The following KIRREL3 variants were observed in gnomAD, a reference collection of about 807,000 sequenced individuals.
The protein encoded by KIRREL3 is kin of IRRE-like protein 3.
KIRREL3 carries 36 observed loss-of-function variants against 89.7 expected under a neutral mutation model. The observed-to-expected ratio is 0.40, with a 90% confidence interval of 0.31 to 0.53. The LOEUF (loss-of-function observed/expected upper bound fraction) is 0.53. Among genes scored for constraint, KIRREL3 ranks in the 20% least tolerant of loss-of-function variants. KIRREL3 has a pLI of 0.49. For synonymous variants in KIRREL3, 445 were observed against 441.4 expected (o/e 1.01, Z -0.10); for missense variants, 864 against 1,056.6 (o/e 0.82, Z 2.53).
rs1482395078 is a variant in KIRREL3 at position 126,429,598 on chromosome 11, C to A, written c.1697-310G>T. 6.6e-6 allele frequency among the ~76,000 whole-genome samples: 1 copy of A among 152,222 alleles called. No individual in the cohort carries two copies. The highest frequency in any genetic ancestry group is 2.4e-5 in the African/African-American group (1 of 41,456). On this transcript the variant is annotated intron_variant, in intron 14 of 16. Coordinates refer to ENST00000525144, the MANE Select transcript of KIRREL3 (RefSeq NM_032531.4). This position sits in a 1 kb window ranked among gnomAD's most constrained non-coding sequence, Gnocchi z 5.2. ...CTTACTGAGCTAGGTCCTTTTCATC[C>A]TACTGAATTCTCACTTCCTTCTAGA...
intron 1 of KIRREL3, among the ~76,000 whole-genome samples, chr11:126,975,452 G>C (rs1197556301): frequency 6.6e-6 from 1 of 152,128 alleles, no homozygotes; most frequent in Non-Finnish European, 1.5e-5. Flanking sequence ...ACCACCTACT[G>C]TGTGCCAGAA....
In KIRREL3 at chr11:126,989,980, G is replaced by GT. The variant is rs1312522515; in HGVS notation, c.55+10474dup. Among the ~76,000 whole-genome samples, 2 of 152,062 alleles carry GT rather than the reference G, an allele frequency of 1.3e-5. No individual in the cohort carries two copies. Reference sequence around the variant, plus strand: ...CCTCATTTTAGCATCTGTTTGTTTTGTTTTTTCAGCATTTGCGGGGAATGA... The same window carrying GT: ...CCTCATTTTAGCATCTGTTTGTTTTGTTTTTTTCAGCATTTGCGGGGAATGA... On this transcript the variant is annotated intron_variant, in intron 1 of 16. Coordinates refer to ENST00000525144, the MANE Select transcript of KIRREL3 (RefSeq NM_032531.4). The surrounding 1 kb of genome is among the most constrained non-coding windows in gnomAD (Gnocchi z 6.2).
At chr11:126,479,439 C>T (rs947442018) in intron 4 of KIRREL3, among the ~76,000 whole-genome samples, 1 of 152,244 alleles carries the variant, frequency 6.6e-6, no homozygotes, top group Non-Finnish European at 1.5e-5. Flanking sequence ...CCACTCCAGG[C>T]CAGTGCCCAA....
At chr11:126,888,878 T>C (rs1945798702) in intron 1 of KIRREL3, among the ~76,000 whole-genome samples, 1 of 152,194 alleles carries the variant, frequency 6.6e-6, no homozygotes, top group Non-Finnish European at 1.5e-5. Context: ...GCTGGTGCTG[T>C]TGTTTTCTCA....
chr11:126,604,891 C>T (rs1328337265), intron 1 of KIRREL3, among the ~76,000 whole-genome samples: 4 of 152,248 alleles, frequency 2.6e-5, no homozygotes, highest in Admixed American at 6.5e-5. Context: ...CCCCAAGCCC[C>T]CTCTCCTCAT....
intron 1 of KIRREL3, among the ~76,000 whole-genome samples, chr11:126,695,406 C>CAAAAAAAAAA (rs36034228): frequency 1.6e-5 from 1 of 64,348 alleles, no homozygotes; most frequent in Non-Finnish European, 2.9e-5. Context: ...TTAGCTTTAC[C>CAAAAAAAAAA]AAAAAAAAAA....
chr11:126,983,317 A>G lies in KIRREL3; in HGVS notation c.55+17138T>C, dbSNP rs1273882109. ...CAGATTTCTTACACAGAGAGGTAGG[A>G]TAGGAAAGCCTATATTTTCTTCTGA... On this transcript the variant is annotated intron_variant, in intron 1 of 16. Transcript: ENST00000525144. This position sits in a 1 kb window ranked among gnomAD's most constrained non-coding sequence, Gnocchi z 4.9. 5.3e-5 allele frequency among the ~76,000 whole-genome samples: 8 copies of G among 152,208 alleles called. No individual in the cohort carries two copies. The highest frequency in any genetic ancestry group is 7.3e-5 in the Non-Finnish European group (5 of 68,038).
chr11:126,445,242 G>C, intron 9 of KIRREL3, 137 bp from the exon 10 acceptor site: 1 of 1,165,140 alleles, frequency 8.6e-7, no homozygotes. Context: ...AAGGTGGGGA[G>C]GAAAGAGGCC....
Position 126,677,386 on chromosome 11 carries a change from T to C in KIRREL3, c.56-114474A>G, listed in dbSNP as rs770698381. Among the ~76,000 whole-genome samples the C allele has an allele frequency of 6.6e-6, 1 of 152,224 alleles. No individual in the cohort carries two copies. The highest frequency in any genetic ancestry group is 1.5e-5 in the Non-Finnish European group (1 of 68,044). ...TTTAGGATTGCACGTTCCCATCTGA[T>C]AACCGAATCTCCATTCTGGAGAAAG... On this transcript the variant is annotated intron_variant, in intron 1 of 16. Coordinates refer to ENST00000525144, the MANE Select transcript of KIRREL3 (RefSeq NM_032531.4). The surrounding 1 kb of genome is among the most constrained non-coding windows in gnomAD (Gnocchi z 5.1).
intron 1 of KIRREL3, among the ~76,000 whole-genome samples, chr11:126,894,378 C>T (rs2134790345): frequency 6.6e-6 from 1 of 151,784 alleles, no homozygotes; most frequent in South Asian, 2.1e-4. Context: ...GGGGAGTCCA[C>T]AGTAGGCAGC....
At position 126,562,781 on chromosome 11, in the gene KIRREL3, G is replaced by A; in HGVS notation, c.133+54C>T. On this transcript the variant is annotated intron_variant, in intron 2 of 16. Coordinates refer to ENST00000525144, the MANE Select transcript of KIRREL3 (RefSeq NM_032531.4). The surrounding 1 kb of genome is among the most constrained non-coding windows in gnomAD (Gnocchi z 4.7). ...GTTCCTCTGTCCTGTGGCTGTAGGG[G>A]AGAGCTTCCTCCCTCCAGATTACTC... The A allele has an allele frequency of 6.9e-7, 1 of 1,453,396 alleles. No individual in the cohort carries two copies. The highest frequency in any genetic ancestry group is 9.7e-7 in the Non-Finnish European group (1 of 1,034,288). The allele number at this position is 1,453,396 out of a possible 1,614,324, so 90.0% of individuals were successfully genotyped here. A position where few individuals can be genotyped will look rare whatever the true frequency, so the allele number is the denominator to read the frequency against.
intron 1 of KIRREL3, among the ~76,000 whole-genome samples, chr11:126,718,750 G>T (rs1282198427): frequency 1.3e-5 from 2 of 152,138 alleles, no homozygotes; most frequent in African/African-American, 4.8e-5. Flanking sequence ...TAAGTGATTT[G>T]CCAAGTTCAC....
At chr11:126,834,403 C>A (rs1250115441) in intron 1 of KIRREL3, among the ~76,000 whole-genome samples, 1 of 152,188 alleles carries the variant, frequency 6.6e-6, no homozygotes, top group African/African-American at 2.4e-5. Flanking sequence ...AAGAGAAAAG[C>A]CTGACTCACA....
At position 126,627,003 on chromosome 11, in the gene KIRREL3, GA is replaced by G. The variant is rs763842903; in HGVS notation, c.56-64092del. Among the ~76,000 whole-genome samples, 2,245 of 42,550 alleles carry G rather than the reference GA, an allele frequency of 0.053. 54 individuals are homozygous for G. Among genetic ancestry groups the G allele is most frequent in the African/African-American group, 0.13 (2,045 of 15,472 alleles). The allele number at this position is 42,550 out of a possible 152,430, so 27.9% of individuals were successfully genotyped here. A position where few individuals can be genotyped will look rare whatever the true frequency, so the allele number is the denominator to read the frequency against. On this transcript the variant is annotated intron_variant, in intron 1 of 16. Coordinates refer to ENST00000525144, the MANE Select transcript of KIRREL3 (RefSeq NM_032531.4). The surrounding 1 kb of genome is among the most constrained non-coding windows in gnomAD (Gnocchi z 5.0). ...CCACAAGAGTGAAACACTGTCTCAA[GA>G]AAAAAAAAAAACAAAAAAAAAAGAA...
rs1355232619 is a variant in KIRREL3, at chr11:126,924,535, C to T, written c.55+75920G>A. Among the ~76,000 whole-genome samples the T allele has an allele frequency of 2.0e-5, 3 of 152,206 alleles. No homozygotes were observed. Among genetic ancestry groups the T allele is most frequent in the Non-Finnish European group, 2.9e-5 (2 of 68,044 alleles). On this transcript the variant is annotated intron_variant, in intron 1 of 16. Transcript: ENST00000525144. This position sits in a 1 kb window ranked among gnomAD's most constrained non-coding sequence, Gnocchi z 4.7. ...CGTTTGCAACAAGGAACATCTTTGG[C>T]TTCACACACCCGACCCACAGACTGC...
At chr11:126,616,948 A>G (rs1368248855) in intron 1 of KIRREL3, among the ~76,000 whole-genome samples, 1 of 152,244 alleles carries the variant, frequency 6.6e-6, no homozygotes, top group East Asian at 1.9e-4. Flanking sequence ...GGCCTCATAG[A>G]TGTTTCAAAG....
Position 126,643,893 on chromosome 11 carries a change from CATG to C in KIRREL3, c.56-80984_56-80982del, listed in dbSNP as rs1018099496. ...TTTAGGGAGAAAGAATTGAAAAGAT[CATG>C]ATGTCAACTCTAGCTCGAGAACACA... On this transcript the variant is annotated intron_variant, in intron 1 of 16. Transcript: ENST00000525144. This position sits in a 1 kb window ranked among gnomAD's most constrained non-coding sequence, Gnocchi z 4.5. 7.9e-5 allele frequency among the ~76,000 whole-genome samples: 12 copies of C among 152,126 alleles called. No homozygotes were observed. Among genetic ancestry groups the C allele is most frequent in the African/African-American group, 2.7e-4 (11 of 41,416 alleles).
rs143545520 is a variant in KIRREL3 at position 126,594,974 on chromosome 11, G to A, written c.56-32062C>T. Among the ~76,000 whole-genome samples, 88 of 152,310 alleles carry A rather than the reference G, an allele frequency of 5.8e-4. 3 individuals carry two copies. The East Asian group carries it at 0.014, about 25-fold the overall frequency. Reference sequence around the variant, plus strand: ...CTGCCCTGGGCCCTCGGACCCTCAGGGGCCTTCTGGGTTGTGAGGCGTGGG... The same window carrying A: ...CTGCCCTGGGCCCTCGGACCCTCAGAGGCCTTCTGGGTTGTGAGGCGTGGG... On this transcript the variant is annotated intron_variant, in intron 1 of 16. Coordinates refer to ENST00000525144, the MANE Select transcript of KIRREL3 (RefSeq NM_032531.4). This position sits in a 1 kb window ranked among gnomAD's most constrained non-coding sequence, Gnocchi z 5.0.
chr11:126,927,466 G>C (rs529611829), intron 1 of KIRREL3, among the ~76,000 whole-genome samples: 8 of 152,220 alleles, frequency 5.3e-5, no homozygotes, highest in African/African-American at 1.9e-4. Flanking sequence ...GTTTGTACTA[G>C]GCTTACATTT....
Sources: gnomAD v4.1 joint callset for allele counts (sites outside exome capture counted in the v4.1 genomes callset) on GRCh38, gnomAD v4.1.1 for gene constraint, Gnocchi (gnomAD v3.1) non-coding constraint, MANE v1.5 for transcripts, NCBI Gene and HGNC (gene_info 2026-07-23, HGNC 2026-07-21) for gene names.